Variants in CFAP61 observed in about 807,000 individuals in gnomAD.
CFAP61 encodes the protein cilia and flagella associated protein 61, also known as cilia- and flagella-associated protein 61.
In CFAP61, 107 loss-of-function variants were observed where a neutral mutation model predicts 135.6. That is an observed-to-expected ratio of 0.79 (90% confidence interval 0.67 to 0.93). CFAP61 has a LOEUF of 0.93. Among genes scored for constraint, CFAP61 ranks in the 40% least tolerant of loss-of-function variants. CFAP61 has a pLI of 0.00. For synonymous variants in CFAP61, 575 were observed against 578.5 expected (o/e 0.99, Z 0.09); for missense variants, 1,507 against 1,556.2 (o/e 0.97, Z 0.53).
intron 13 of CFAP61, among the ~76,000 whole-genome samples, chr20:20,184,048 A>G (rs1003722270): frequency 7.2e-5 from 11 of 152,238 alleles, no homozygotes; most frequent in African/African-American, 2.7e-4. Flanking sequence ...TTGCAGGAAG[A>G]TAACCCCATG....
intron 9 of CFAP61, among the ~76,000 whole-genome samples, chr20:20,144,429 A>G (rs1237982086): frequency 2.0e-5 from 3 of 152,234 alleles, no homozygotes; most frequent in African/African-American, 7.2e-5. Context: ...ATCAAGATGA[A>G]AAATACACCA....
intron 6 of CFAP61, among the ~76,000 whole-genome samples, chr20:20,083,052 A>ACACAATTACAATTTACAATT (rs2046538998): frequency 6.6e-6 from 1 of 152,240 alleles, no homozygotes; most frequent in Non-Finnish European, 1.5e-5. Flanking sequence ...ACACGTTTAT[A>ACACAATTACAATTTACAATT]GCAGCACAAT....
intron 13 of CFAP61, among the ~76,000 whole-genome samples, chr20:20,177,038 A>G (rs2054684318): frequency 6.7e-6 from 1 of 149,464 alleles, no homozygotes; most frequent in East Asian, 2.0e-4. Flanking sequence ...CCTACTTTAA[A>G]CCTTTTATGA....
At chr20:20,175,225 T>C (rs780572657) in intron 13 of CFAP61, among the ~76,000 whole-genome samples, 6 of 152,236 alleles carry the variant, frequency 3.9e-5, no homozygotes, top group Non-Finnish European at 7.3e-5. Context: ...TATTCCTCCT[T>C]CTTGCTCCTT....
At chr20:20,242,937 G>A (rs1256168934) in intron 18 of CFAP61, among the ~76,000 whole-genome samples, 1 of 152,188 alleles carries the variant, frequency 6.6e-6, no homozygotes, top group African/African-American at 2.4e-5. Flanking sequence ...AGAGGATGCT[G>A]GAGCCAGGCA....
At chr20:20,094,883 A>G (rs974216714) in intron 7 of CFAP61, 3 of 152,240 alleles carry the variant, frequency 2.0e-5, no homozygotes, top group East Asian at 3.9e-4. Context: ...TGCTGTTGCT[A>G]CCCTTTTTCC....
At chr20:20,304,051 A>C (rs1038788928) in intron 25 of CFAP61, among the ~76,000 whole-genome samples, 1 of 152,094 alleles carries the variant, frequency 6.6e-6, no homozygotes, top group South Asian at 2.1e-4. Flanking sequence ...GCTGCCTGCA[A>C]GGGGCTCACT....
chr20:20,259,795 TACTA>T (rs2052006865), intron 20 of CFAP61: 2 of 152,174 alleles, frequency 1.3e-5, no homozygotes, highest in African/African-American at 4.8e-5. Flanking sequence ...AAGAGTCTGT[TACTA>T]AGAAAGGAAG....
chr20:20,133,190 G>T (rs944295640), intron 8 of CFAP61, among the ~76,000 whole-genome samples: 1 of 152,158 alleles, frequency 6.6e-6, no homozygotes, highest in African/African-American at 2.4e-5. Context: ...TCAATAATCC[G>T]TTGCCACAAT....
intron 25 of CFAP61, among the ~76,000 whole-genome samples, chr20:20,301,081 T>C (rs556333260): frequency 1.3e-5 from 2 of 152,314 alleles, no homozygotes; most frequent in South Asian, 2.1e-4. Context: ...GTTTATAATA[T>C]CTTCGGTATT....
intron 22 of CFAP61, among the ~76,000 whole-genome samples, chr20:20,285,406 C>T (rs1569242140): frequency 2.6e-5 from 4 of 152,064 alleles, no homozygotes; most frequent in Admixed American, 6.6e-5. Context: ...TCTCTCTTCT[C>T]TTCCTGGGAT....
chr20:20,148,003 A>G (rs2052046512), intron 9 of CFAP61, among the ~76,000 whole-genome samples: 2 of 152,170 alleles, frequency 1.3e-5, no homozygotes, highest in Non-Finnish European at 2.9e-5. Context: ...TTTGTTGAAT[A>G]TGGTGTCCTT....
intron 20 of CFAP61, 84 bp downstream of exon 20, chr20:20,251,847 T>A (rs1161460122): frequency 2.1e-6 from 3 of 1,402,238 alleles, no homozygotes; most frequent in Non-Finnish European, 3.0e-6. Context: ...GCACACACAC[T>A]CTGGGTAAAG....
In CFAP61 at chr20:20,269,210, T is replaced by TAC. The variant is rs1294345968; in HGVS notation, c.2503+6084_2503+6085dup. On this transcript the variant is annotated intron_variant, in intron 21 of 26. Transcript: ENST00000245957. The stretch of plus-strand genomic sequence containing the variant: ...ACACATATATACATATATGTATATA[T>TAC]ACACATATATACATATATGTATATA... 1.4e-4 allele frequency among the ~76,000 whole-genome samples: 19 copies of TAC among 139,132 alleles called. 1 individual carries two copies. The highest frequency in any genetic ancestry group is 6.0e-4 in the East Asian group (3 of 5,016). 91.3% of individuals were successfully genotyped at this position (139,132 alleles called of 152,430 possible).
At chr20:20,255,330 G>C (rs891538143) in intron 20 of CFAP61, among the ~76,000 whole-genome samples, 2 of 152,160 alleles carry the variant, frequency 1.3e-5, no homozygotes, top group Admixed American at 6.5e-5. Flanking sequence ...TAAAGAGGAA[G>C]AACAAAAATG....
At chr20:20,261,771 A>G (rs1038153524) in intron 20 of CFAP61, among the ~76,000 whole-genome samples, 4 of 152,018 alleles carry the variant, frequency 2.6e-5, no homozygotes, top group African/African-American at 7.3e-5. Context: ...CAGCAACTAG[A>G]TGGAACTCAG....
intron 24 of CFAP61, among the ~76,000 whole-genome samples, chr20:20,294,045 G>C (rs2055200861): frequency 6.6e-6 from 1 of 152,194 alleles, no homozygotes; most frequent in Non-Finnish European, 1.5e-5. Flanking sequence ...CAGAATCAGT[G>C]ACTCCATCAA....
chr20:20,234,260 C>T (rs1194747091), intron 18 of CFAP61, among the ~76,000 whole-genome samples: 1 of 152,118 alleles, frequency 6.6e-6, no homozygotes, highest in East Asian at 1.9e-4. Flanking sequence ...TGGCCGTGGG[C>T]AGAGAGAGGC....
In CFAP61 at chr20:20,290,193, A is replaced by G. The variant is rs896553318; in HGVS notation, c.3125-107A>G. 4 of 728,632 alleles carry G rather than the reference A, an allele frequency of 5.5e-6. No homozygotes were observed. In the African/African-American group the frequency reaches 7.0e-5, roughly 13 times the overall value. The allele number at this position is 728,632 out of a possible 1,614,324, so 45.1% of individuals were successfully genotyped here. A position where few individuals can be genotyped will look rare whatever the true frequency, so the allele number is the denominator to read the frequency against. ...GGTACTTTAGTGTGAAAGTTTGAGG[A>G]GCATACGCCACTGCAGGCATCTGTT... On this transcript the variant is annotated intron_variant, in intron 23 of 26. Transcript: ENST00000245957.
Sources: allele counts gnomAD v4.1 joint callset (sites outside exome capture counted in the v4.1 genomes callset), GRCh38; gene constraint gnomAD v4.1.1; transcripts MANE v1.5; gene names NCBI Gene and HGNC (gene_info 2026-07-23, HGNC 2026-07-21).